The following THNSL1 variants were observed in gnomAD, a reference collection of about 807,000 sequenced individuals.
The protein encoded by THNSL1 is threonine synthase like 1, also known as threonine synthase-like 1.
In THNSL1, 48 loss-of-function variants were observed where a neutral mutation model predicts 50.4. The observed-to-expected ratio is 0.95, with a 90% CI of 0.76 to 1.21. THNSL1 has a LOEUF of 1.21. Ranked by LOEUF, THNSL1 falls within the 50% of genes most tolerant of loss-of-function variation. The pLI, the probability that THNSL1 is intolerant of heterozygous loss-of-function variation, is 0.00. For synonymous variants in THNSL1, 309 were observed against 306.1 expected, an observed-to-expected ratio of 1.01 and a Z score of -0.10; for missense variants, 896 against 871.7, an observed-to-expected ratio of 1.03 and a Z score of -0.35.
the THNSL1 span, among the ~76,000 whole-genome samples, chr10:24,993,281 A>G: frequency 3.9e-5 from 6 of 152,248 alleles, no homozygotes; most frequent in African/African-American, 1.4e-4. Flanking sequence ...ATAAAATTGC[A>G]TATATTATAC....
the THNSL1 span, among the ~76,000 whole-genome samples, chr10:24,965,250 T>C: frequency 3.3e-5 from 5 of 152,146 alleles, no homozygotes; most frequent in Admixed American, 3.3e-4. Flanking sequence ...TGAGAACAAC[T>C]GCAATTGATT....
rs1407461189 is a variant in THNSL1, at chr10:25,023,273, GT to G, written c.55del (p.Ser19LeufsTer24). The G allele has an allele frequency of 6.2e-7, 1 of 1,613,852 alleles. No individual in the cohort carries two copies. Among genetic ancestry groups the G allele is most frequent in the East Asian group, 2.2e-5 (1 of 44,872 alleles). ...CHHLKKITQK[C>X]FSSIHVKTDK... ...CATCTGAAAAAGATAACACAGAAAT[GT>G]TTTTCTAGTATACATGTTAAAACGG... On this transcript the variant is annotated frameshift_variant, in exon 3 of 3. Coordinates refer to ENST00000376356, the MANE Select transcript of THNSL1 (RefSeq NM_024838.5). LOFTEE classifies it high-confidence loss of function.
chr10:24,987,608 A>G, the THNSL1 span, among the ~76,000 whole-genome samples: 1 of 152,164 alleles, frequency 6.6e-6, no homozygotes, highest in Non-Finnish European at 1.5e-5. Flanking sequence ...TAAAATAAAC[A>G]AACATAAATT....
In THNSL1 at chr10:25,021,546, T is replaced by C. The variant is rs574455145; in HGVS notation, c.-215-196T>C. Among the ~76,000 whole-genome samples the C allele has an allele frequency of 3.9e-5, 6 of 152,350 alleles. No homozygotes were observed. The East Asian group carries it at 1.2e-3, about 29-fold the overall frequency. ...TTCAGTACTGTTTAGTGAAATTCTT[T>C]TTATAATGAGACACACATGTTTAAA... On this transcript the variant is annotated intron_variant, in intron 1 of 2. Coordinates refer to ENST00000376356, the MANE Select transcript of THNSL1 (RefSeq NM_024838.5).
the THNSL1 span, chr10:24,999,272 T>C: frequency 1.1e-6 from 1 of 901,200 alleles, no homozygotes; most frequent in Non-Finnish European, 1.6e-6. Flanking sequence ...TTTCTCCTAG[T>C]CAAATTCTGT....
the THNSL1 span, among the ~76,000 whole-genome samples, chr10:24,972,756 C>G: frequency 6.6e-6 from 1 of 152,064 alleles, no homozygotes; most frequent in Non-Finnish European, 1.5e-5. Flanking sequence ...ACATTCCTGA[C>G]AGTGCAGAAA....
the THNSL1 span, among the ~76,000 whole-genome samples, chr10:25,003,893 T>C: frequency 6.6e-6 from 1 of 152,214 alleles, no homozygotes; most frequent in Non-Finnish European, 1.5e-5. Flanking sequence ...GTTATCACCA[T>C]TTAGCTCTCA....
chr10:24,989,887 C>G, the THNSL1 span, among the ~76,000 whole-genome samples: 1 of 151,974 alleles, frequency 6.6e-6, no homozygotes, highest in African/African-American at 2.4e-5. Context: ...ACTCTTACAC[C>G]CCCTAATATT....
At chr10:24,998,358 CCTCTCTCT>C in the THNSL1 span, among the ~76,000 whole-genome samples, 8 of 117,306 alleles carry the variant, frequency 6.8e-5, no homozygotes, top group East Asian at 2.6e-4. Context: ...TTCCTTCCTT[CCTCTCTCT>C]CTCTCTCTCT....
chr10:25,015,275 T>G (rs1850541030), upstream of THNSL1, among the ~76,000 whole-genome samples: 1 of 152,198 alleles, frequency 6.6e-6, no homozygotes, highest in East Asian at 1.9e-4. Context: ...TCATTATCTA[T>G]CCACCAATTC....
upstream of THNSL1, among the ~76,000 whole-genome samples, chr10:25,015,238 T>C (rs772603904): frequency 6.6e-6 from 1 of 152,202 alleles, no homozygotes; most frequent in Non-Finnish European, 1.5e-5. Flanking sequence ...CTATGTAAAA[T>C]TTCAACTCAA....
At chr10:25,016,141 C>T, upstream of THNSL1, 2 of 1,238,882 alleles carry the variant, frequency 1.6e-6, no homozygotes, top group Non-Finnish European at 2.0e-6. Flanking sequence ...CTCCGGATTG[C>T]TAAGCGTCGT....
chr10:24,971,058 C>A, the THNSL1 span, among the ~76,000 whole-genome samples: 1 of 151,558 alleles, frequency 6.6e-6, no homozygotes, highest in Non-Finnish European at 1.5e-5. Flanking sequence ...AGCCAAACTA[C>A]GTGTTTACTA....
the THNSL1 span, among the ~76,000 whole-genome samples, chr10:24,998,335 C>G: frequency 2.1e-5 from 3 of 143,352 alleles, no homozygotes; most frequent in African/African-American, 8.0e-5. Flanking sequence ...CCTCCCTTCC[C>G]TCTCTCCCTC....
chr10:24,975,541 A>C, the THNSL1 span, among the ~76,000 whole-genome samples: 1 of 152,194 alleles, frequency 6.6e-6, no homozygotes, highest in East Asian at 1.9e-4. Context: ...TGATTAAATC[A>C]TGGGAATGCT....
chr10:24,956,247 C>A, the THNSL1 span, among the ~76,000 whole-genome samples: 3 of 151,988 alleles, frequency 2.0e-5, no homozygotes, highest in African/African-American at 4.8e-5. Context: ...CAGGTAATAA[C>A]CATAGCACCT....
chr10:25,024,588 C>A lies in THNSL1; in HGVS notation c.1365C>A (p.Gly455=). 6.2e-7 allele frequency: 1 copy of A among 1,614,118 alleles called. No homozygotes were observed. Among genetic ancestry groups the A allele is most frequent in the East Asian group, 2.2e-5 (1 of 44,886 alleles). Residue 455 remains glycine (G), a synonymous_variant, in exon 3 of 3, where the codon GGC becomes GGA. Transcript: ENST00000376356. The part of the protein sequence containing the change: ...KRIFNDSDFT[G]FLTVEYGTIL... Reference sequence around the variant, plus strand: ...TTTTTAATGATTCTGATTTTACTGGCTTTCTTACTGTGGAATATGGAACAA... The same window carrying A: ...TTTTTAATGATTCTGATTTTACTGGATTTCTTACTGTGGAATATGGAACAA...
the THNSL1 span, among the ~76,000 whole-genome samples, chr10:24,976,361 C>A: frequency 6.6e-6 from 1 of 152,100 alleles, no homozygotes. Flanking sequence ...AAGCAGCAAA[C>A]CCAATGCAGA....
the THNSL1 span, among the ~76,000 whole-genome samples, chr10:24,970,378 TAGAG>T: frequency 2.0e-5 from 3 of 152,136 alleles, no homozygotes; most frequent in African/African-American, 4.8e-5. Context: ...AGATGATAGA[TAGAG>T]AGGAACTGTA....
Sources: gnomAD v4.1 joint callset for allele counts (sites outside exome capture counted in the v4.1 genomes callset) on GRCh38, gnomAD v4.1.1 for gene constraint, MANE v1.5 for transcripts, NCBI Gene and HGNC (gene_info 2026-07-23, HGNC 2026-07-21) for gene names.